SNX29: variants seen among roughly 807,000 people sequenced by gnomAD.
SNX29 encodes the protein sorting nexin-29.
A neutral mutation model predicts 102.1 loss-of-function variants in SNX29; 78 were observed. The observed-to-expected ratio is 0.76, with a 90% confidence interval of 0.64 to 0.92. The LOEUF (loss-of-function observed/expected upper bound fraction) is 0.92. Among genes scored for constraint, SNX29 ranks in the 40% least tolerant of loss-of-function variants. SNX29 has a pLI of 0.00. For synonymous variants in SNX29, 580 were observed against 414.5 expected, an observed-to-expected ratio of 1.40 and a Z score of -4.85; for missense variants, 1,280 against 1,061.7, an observed-to-expected ratio of 1.21 and a Z score of -2.86.
rs2079172189 is a variant in SNX29 at position 12,570,827 on chromosome 16, T to C, written c.*2198T>C. 4.3e-6 allele frequency: 1 copy of C among 232,254 alleles called. No individual in the cohort carries two copies. Among genetic ancestry groups the C allele is most frequent in the Admixed American group, 5.6e-5 (1 of 17,736 alleles). The allele number at this position is 232,254 out of a possible 1,614,324, so 14.4% of individuals were successfully genotyped here. A position where few individuals can be genotyped will look rare whatever the true frequency, so the allele number is the denominator to read the frequency against. On this transcript the variant is annotated 3_prime_UTR_variant, in exon 21 of 21. Coordinates refer to ENST00000566228, the MANE Select transcript of SNX29 (RefSeq NM_032167.5). ...GATACTAACCCGTGAGAAACAAGTATGCTCTCAGCTGGTATTGAACTGGTG... is the reference window on the plus strand; with the variant it reads ...GATACTAACCCGTGAGAAACAAGTACGCTCTCAGCTGGTATTGAACTGGTG...
intron 13 of SNX29, among the ~76,000 whole-genome samples, chr16:12,181,011 C>T (rs1445348351): frequency 6.6e-6 from 1 of 152,164 alleles, no homozygotes; most frequent in Non-Finnish European, 1.5e-5. Context: ...AGCTTTTTCC[C>T]TCACTGCAGG....
chr16:12,504,263 C>T (rs753145123), intron 19 of SNX29, among the ~76,000 whole-genome samples: 1 of 152,106 alleles, frequency 6.6e-6, no homozygotes, highest in African/African-American at 2.4e-5. Flanking sequence ...ATTCATGTAC[C>T]AGGTGATTCA....
At chr16:12,051,032 A>G (rs2050277714) in intron 7 of SNX29, among the ~76,000 whole-genome samples, 1 of 152,146 alleles carries the variant, frequency 6.6e-6, no homozygotes, top group Admixed American at 6.5e-5. Flanking sequence ...TTTCTGCCAC[A>G]TTCTTTTGGT....
chr16:12,307,944 T>G (rs1596843950), intron 15 of SNX29, among the ~76,000 whole-genome samples: 1 of 152,184 alleles, frequency 6.6e-6, no homozygotes, highest in Admixed American at 6.5e-5. Context: ...AGGGTCTGTT[T>G]GAGTTGTCTT....
In SNX29 at chr16:12,572,181, G is replaced by A. The variant is rs531015150; in HGVS notation, c.*3552G>A. On this transcript the variant is annotated 3_prime_UTR_variant, in exon 21 of 21. Coordinates refer to ENST00000566228, the MANE Select transcript of SNX29 (RefSeq NM_032167.5). Reference sequence around the variant, plus strand: ...ATTTTGATAACCATGTAATTTCTTAGAACCATGGCAGGTAGTATTGTGCTT... The same window carrying A: ...ATTTTGATAACCATGTAATTTCTTAAAACCATGGCAGGTAGTATTGTGCTT... 8.2e-6 allele frequency: 8 copies of A among 972,538 alleles called. No homozygotes were observed. Among genetic ancestry groups the A allele is most frequent in the East Asian group, 5.2e-5 (1 of 19,294 alleles). 60.2% of individuals were successfully genotyped at this position (972,538 alleles called of 1,614,324 possible).
chr16:12,536,330 A>T (rs7189979), intron 20 of SNX29, among the ~76,000 whole-genome samples: 2 of 151,996 alleles, frequency 1.3e-5, no homozygotes, highest in Admixed American at 6.6e-5. Context: ...TTACTAATGC[A>T]GCAGGAAACA....
In SNX29 at chr16:12,571,817, C is replaced by T. The variant is rs901366304; in HGVS notation, c.*3188C>T. On this transcript the variant is annotated 3_prime_UTR_variant, in exon 21 of 21. Coordinates refer to ENST00000566228, the MANE Select transcript of SNX29 (RefSeq NM_032167.5). ...TGCAATCAGTGTGAAATTCCAGCTT[C>T]TTTGATTCCCACTTAGCAGTATGCT... 1.3e-5 allele frequency: 13 copies of T among 1,037,322 alleles called. No individual in the cohort carries two copies. Among genetic ancestry groups the T allele is most frequent in the Non-Finnish European group, 1.5e-5 (13 of 855,014 alleles). The allele number at this position is 1,037,322 out of a possible 1,614,324, so 64.3% of individuals were successfully genotyped here. A position where few individuals can be genotyped will look rare whatever the true frequency, so the allele number is the denominator to read the frequency against.
chr16:12,362,678 A>G (rs763245402), intron 16 of SNX29, among the ~76,000 whole-genome samples: 93 of 150,430 alleles, frequency 6.2e-4, no homozygotes, highest in Non-Finnish European at 1.3e-3. Flanking sequence ...AACACTGCCC[A>G]GTGCCAGGGC....
chr16:12,475,554 T>C (rs1597515824), intron 18 of SNX29, among the ~76,000 whole-genome samples: 1 of 152,174 alleles, frequency 6.6e-6, no homozygotes, highest in Admixed American at 6.5e-5. Flanking sequence ...AAGTTGAAAA[T>C]GCATTTAATA....
At chr16:12,022,856 A>G (rs143004370) in intron 3 of SNX29, among the ~76,000 whole-genome samples, 300 of 148,798 alleles carry the variant, frequency 2.0e-3, no homozygotes, top group African/African-American at 6.7e-3. Flanking sequence ...AGTATTTTCA[A>G]TGTTCTTCCA....
intron 13 of SNX29, among the ~76,000 whole-genome samples, chr16:12,155,606 A>T (rs915925414): frequency 1.1e-4 from 17 of 152,172 alleles, no homozygotes. Context: ...CCGCTTTTCT[A>T]TGCTAGCTGC....
intron 1 of SNX29, among the ~76,000 whole-genome samples, chr16:11,984,066 G>GTA (rs2055498909): frequency 6.6e-6 from 1 of 152,176 alleles, no homozygotes; most frequent in African/African-American, 2.4e-5. Context: ...GAATGAAAAA[G>GTA]ATTGAGCTGG....
rs547178069 is a variant in SNX29 at position 12,068,026 on chromosome 16, A to G, written c.1244-1031A>G. On this transcript the variant is annotated intron_variant, in intron 9 of 20. Transcript: ENST00000566228. ...TTGGCCTTTTTAGAAAGCCGCAGAC[A>G]TTGTCAGGAATTAGACCATGCTGCC... Among the ~76,000 whole-genome samples, 52 of 152,258 alleles carry G rather than the reference A, an allele frequency of 3.4e-4. 1 individual carries two copies. Among genetic ancestry groups the G allele is most frequent in the Non-Finnish European group, 5.7e-4 (39 of 68,020 alleles).
At chr16:12,069,396 G>A (rs1320215882) in intron 10 of SNX29, among the ~76,000 whole-genome samples, 1 of 151,890 alleles carries the variant, frequency 6.6e-6, no homozygotes, top group Non-Finnish European at 1.5e-5. Context: ...CTCCCAAGTA[G>A]TTGGAATTAC....
Position 12,078,822 on chromosome 16 carries a change from CT to C in SNX29, c.1320-6del. ...GCCGAGTGTAACTTCCTCCTGCCTG[CT>C]TTTTCCTAGTGTGGAAGCCAGCTCT... On this transcript the variant is annotated splice_polypyrimidine_tract_variant and intron_variant, in intron 10 of 20. Coordinates refer to ENST00000566228, the MANE Select transcript of SNX29 (RefSeq NM_032167.5). 1.3e-6 allele frequency: 2 copies of C among 1,593,482 alleles called. No individual in the cohort carries two copies. Among genetic ancestry groups the C allele is most frequent in the Admixed American group, 1.8e-5 (1 of 56,662 alleles).
intron 20 of SNX29, among the ~76,000 whole-genome samples, chr16:12,567,254 T>C (rs2079049955): frequency 6.6e-6 from 1 of 152,070 alleles, no homozygotes; most frequent in South Asian, 2.1e-4. Context: ...CAGTCCTGTC[T>C]TCCCTTGTAG....
chr16:12,014,224 A>T (rs1355448529), intron 3 of SNX29, among the ~76,000 whole-genome samples: 1 of 151,958 alleles, frequency 6.6e-6, no homozygotes, highest in South Asian at 2.1e-4. Flanking sequence ...TCATTTATTC[A>T]CGCCTGCATC....
rs142047458 is a variant in SNX29, at chr16:12,278,671, T to C, written c.1782+635T>C. On this transcript the variant is annotated intron_variant, in intron 15 of 20. Transcript: ENST00000566228. The stretch of plus-strand genomic sequence containing the variant: ...CTATCTTGGTTCAGGTATGCATTAC[T>C]GTGATATAAAAAAATCCTGACAAAG... Among the ~76,000 whole-genome samples, 399 of 152,136 alleles carry C rather than the reference T, an allele frequency of 2.6e-3. 2 individuals carry two copies. The highest frequency in any genetic ancestry group is 8.8e-3 in the African/African-American group (365 of 41,518).
intron 14 of SNX29, among the ~76,000 whole-genome samples, chr16:12,269,822 T>TCATCATCATCATCAC (rs1010925929): frequency 3.6e-5 from 5 of 140,640 alleles, no homozygotes; most frequent in African/African-American, 1.3e-4. Context: ...CTTTACATCA[T>TCATCATCATCATCAC]CATCATCATC....
Sources: gnomAD v4.1 joint callset for allele counts (sites outside exome capture counted in the v4.1 genomes callset) on GRCh38, gnomAD v4.1.1 for gene constraint, MANE v1.5 for transcripts, NCBI Gene and HGNC (gene_info 2026-07-23, HGNC 2026-07-21) for gene names.